HACD2: variants seen among roughly 807,000 people sequenced by gnomAD.
HACD2 encodes the protein 3-hydroxyacyl-CoA dehydratase 2.
HACD2 carries 15 observed loss-of-function variants against 31.0 expected under a neutral mutation model. That is an observed-to-expected ratio of 0.48 (90% confidence interval 0.32 to 0.75). HACD2 has a LOEUF of 0.75. HACD2 is among the 30% of genes least tolerant of loss of function. The pLI is 0.03. For synonymous variants in HACD2, 115 were observed against 122.2 expected (o/e 0.94, Z 0.39); for missense variants, 283 against 313.0 (o/e 0.90, Z 0.72).
At chr3:123,553,255 TC>T (rs1198504518) in intron 3 of HACD2, among the ~76,000 whole-genome samples, 1 of 151,978 alleles carries the variant, frequency 6.6e-6, no homozygotes, top group African/African-American at 2.4e-5. Flanking sequence ...ACCACATATC[TC>T]AAAAGGGCAA....
chr3:123,580,184 A>C (rs1473583222), intron 2 of HACD2, among the ~76,000 whole-genome samples: 1 of 151,714 alleles, frequency 6.6e-6, no homozygotes. Flanking sequence ...AAAAAGAAAA[A>C]AGAAAGAAAG....
At chr3:123,566,116 TC>T (rs1294820712) in intron 3 of HACD2, among the ~76,000 whole-genome samples, 1 of 151,458 alleles carries the variant, frequency 6.6e-6, no homozygotes. Context: ...AATCATAGAC[TC>T]CTCAGAGAAT....
At chr3:123,576,071 T>G (rs961295109) in intron 2 of HACD2, among the ~76,000 whole-genome samples, 2 of 152,208 alleles carry the variant, frequency 1.3e-5, no homozygotes, top group Admixed American at 1.3e-4. Flanking sequence ...TTATAATGTT[T>G]TGTAATGTTT....
intron 3 of HACD2, among the ~76,000 whole-genome samples, chr3:123,566,950 G>A (rs1291481883): frequency 6.6e-6 from 1 of 152,188 alleles, no homozygotes; most frequent in Non-Finnish European, 1.5e-5. Context: ...TGAACTGTAA[G>A]TTTCCCTGAA....
At chr3:123,561,284 G>C (rs2056726640) in intron 3 of HACD2, among the ~76,000 whole-genome samples, 1 of 152,018 alleles carries the variant, frequency 6.6e-6, no homozygotes. Context: ...TGATTTTTTT[G>C]GAATTCACTT....
chr3:123,551,542 T>G (rs2056620607), intron 3 of HACD2, among the ~76,000 whole-genome samples: 1 of 151,724 alleles, frequency 6.6e-6, no homozygotes, highest in Admixed American at 6.6e-5. Context: ...GGGAATCCCT[T>G]AAACCCGGGA....
intron 3 of HACD2, among the ~76,000 whole-genome samples, chr3:123,530,344 T>C (rs977417574): frequency 2.0e-5 from 3 of 151,778 alleles, no homozygotes; most frequent in African/African-American, 7.3e-5. Context: ...CTCAAACTCC[T>C]GGGCTCAGGC....
intron 3 of HACD2, among the ~76,000 whole-genome samples, chr3:123,555,425 A>G (rs752792238): frequency 4.7e-4 from 72 of 152,186 alleles, no homozygotes; most frequent in Non-Finnish European, 9.0e-4. Flanking sequence ...CAATATATGA[A>G]GGTCAATTGC....
intron 2 of HACD2, among the ~76,000 whole-genome samples, chr3:123,578,201 T>C (rs1039978403): frequency 5.3e-5 from 8 of 152,240 alleles, no homozygotes; most frequent in African/African-American, 1.7e-4. Context: ...AGTAATTCAT[T>C]TGCCTTTATT....
intron 3 of HACD2, among the ~76,000 whole-genome samples, chr3:123,546,424 A>C (rs1450176215): frequency 2.0e-5 from 3 of 152,190 alleles, no homozygotes; most frequent in Non-Finnish European, 2.9e-5. Context: ...TACCCTGCTA[A>C]AACACTAGCT....
chr3:123,500,771 C>G, intron 5 of HACD2, 78 bp from the exon 6 acceptor site: 2 of 784,620 alleles, frequency 2.5e-6, no homozygotes, highest in Non-Finnish European at 3.9e-6. Context: ...CCCTTCTAAT[C>G]AGTACTGGTC....
rs2055767832 is a variant in HACD2, at chr3:123,491,881, T to C, written c.*3007A>G. 6.6e-6 allele frequency: 1 copy of C among 152,422 alleles called. No homozygotes were observed. Among genetic ancestry groups the C allele is most frequent in the African/African-American group, 2.4e-5 (1 of 41,462 alleles). The allele number at this position is 152,422 out of a possible 1,614,324, so 9.4% of individuals were successfully genotyped here. A position where few individuals can be genotyped will look rare whatever the true frequency, so the allele number is the denominator to read the frequency against. ...ATGTATTGAATTTAATGTTTTATAA[T>C]GTTTTATCTGAAACTCAGAACTGCA... On this transcript the variant is annotated 3_prime_UTR_variant, in exon 7 of 7. Transcript: ENST00000383657.
At chr3:123,538,990 T>C (rs1046724807) in intron 3 of HACD2, among the ~76,000 whole-genome samples, 2 of 152,208 alleles carry the variant, frequency 1.3e-5, no homozygotes, top group African/African-American at 4.8e-5. Context: ...AATTTAAATT[T>C]AAGGTATTTT....
At chr3:123,500,721 G>A (rs747793192) in intron 5 of HACD2, 28 bp from the exon 6 acceptor site, 3 of 1,521,328 alleles carry the variant, frequency 2.0e-6, no homozygotes, top group African/African-American at 2.8e-5. Context: ...ATTCATTACT[G>A]AGGCTCAAAG....
chr3:123,582,992 ATGTTT>A (rs1172794570), intron 1 of HACD2, among the ~76,000 whole-genome samples: 2 of 152,176 alleles, frequency 1.3e-5, no homozygotes, highest in Non-Finnish European at 2.9e-5. Context: ...AATAAACACA[ATGTTT>A]TGTTAAGTTC....
rs75957819 is a variant in HACD2 at position 123,573,920 on chromosome 3, G to C, written c.274-6140C>G. ...TTTGCTTAATTTTCATATTTTGATA[G>C]TGAAATGTTGAAGTCTCACAGAACT... On this transcript the variant is annotated intron_variant, in intron 2 of 6. Transcript: ENST00000383657. Among the ~76,000 whole-genome samples, 1,250 of 151,978 alleles carry C rather than the reference G, an allele frequency of 8.2e-3. 18 individuals carry two copies. Among genetic ancestry groups the C allele is most frequent in the African/African-American group, 0.028 (1,168 of 41,442 alleles).
At chr3:123,561,395 G>A (rs2056727447) in intron 3 of HACD2, among the ~76,000 whole-genome samples, 6 of 152,078 alleles carry the variant, frequency 3.9e-5, no homozygotes, top group Admixed American at 3.3e-4. Context: ...TAAGTGAAAG[G>A]TCTTTTGTCC....
intron 4 of HACD2, among the ~76,000 whole-genome samples, chr3:123,527,766 T>G (rs755253035): frequency 5.9e-5 from 9 of 152,262 alleles, no homozygotes; most frequent in Non-Finnish European, 1.3e-4. Context: ...AACCTCAAAC[T>G]GCAAAAGTTG....
At chr3:123,564,925 G>A (rs1012558386) in intron 3 of HACD2, among the ~76,000 whole-genome samples, 3 of 152,074 alleles carry the variant, frequency 2.0e-5, no homozygotes, top group East Asian at 1.9e-4. Flanking sequence ...ATCTGCCCTC[G>A]AGGAGCTCAG....
Sources: allele counts gnomAD v4.1 joint callset (sites outside exome capture counted in the v4.1 genomes callset), GRCh38; gene constraint gnomAD v4.1.1; transcripts MANE v1.5; gene names NCBI Gene and HGNC (gene_info 2026-07-23, HGNC 2026-07-21).